The following ULK4 variants were observed in gnomAD, a reference collection of about 807,000 sequenced individuals.
ULK4 encodes inactive serine/threonine-protein kinase ULK4.
In ULK4, 133 loss-of-function variants were observed where a neutral mutation model predicts 160.6. The observed-to-expected ratio is 0.83, with a 90% CI of 0.72 to 0.96. ULK4 has a LOEUF of 0.96. Ranked by LOEUF, ULK4 falls within the 40% of genes least tolerant of loss-of-function variation. The pLI, the probability that ULK4 is intolerant of heterozygous loss-of-function variation, is 0.00. For missense variants in ULK4, 1,580 were observed against 1,499.5 expected (o/e 1.05, Z -0.89); for synonymous variants, 534 against 539.8 (o/e 0.99, Z 0.15).
At chr3:41,654,299 G>A (rs1209225104) in intron 30 of ULK4, among the ~76,000 whole-genome samples, 1 of 152,190 alleles carries the variant, frequency 6.6e-6, no homozygotes, top group Non-Finnish European at 1.5e-5. Context: ...TTTAGAATGA[G>A]AGGTGCTATT....
At chr3:41,777,984 G>A (rs2039695118) in intron 21 of ULK4, among the ~76,000 whole-genome samples, 1 of 133,420 alleles carries the variant, frequency 7.5e-6, no homozygotes, top group East Asian at 2.0e-4. Flanking sequence ...TCTGGCCAGG[G>A]CAATCAGGCA....
At chr3:41,710,881 G>T (rs535367638) in intron 25 of ULK4, among the ~76,000 whole-genome samples, 14 of 152,258 alleles carry the variant, frequency 9.2e-5, no homozygotes, top group Non-Finnish European at 1.5e-4. Flanking sequence ...GCCCTGGCAG[G>T]GCAGGATGGT....
chr3:41,859,190 T>C (rs2042440432), intron 17 of ULK4, among the ~76,000 whole-genome samples: 1 of 152,230 alleles, frequency 6.6e-6, no homozygotes, highest in South Asian at 2.1e-4. Flanking sequence ...CACTTCATTG[T>C]AGAATAAGAC....
intron 18 of ULK4, among the ~76,000 whole-genome samples, chr3:41,824,365 G>C (rs966415557): frequency 3.9e-5 from 6 of 151,968 alleles, no homozygotes; most frequent in Admixed American, 3.9e-4. Flanking sequence ...AGCAGGGTGA[G>C]GCATTGCCTC....
chr3:41,265,458 T>C (rs908700058), intron 35 of ULK4, among the ~76,000 whole-genome samples: 1 of 152,182 alleles, frequency 6.6e-6, no homozygotes, highest in African/African-American at 2.4e-5. Flanking sequence ...AATGAAACAT[T>C]AGGGGCCGCC....
intron 35 of ULK4, among the ~76,000 whole-genome samples, chr3:41,314,646 G>T (rs2080114102): frequency 1.3e-5 from 2 of 152,204 alleles, no homozygotes; most frequent in Admixed American, 6.5e-5. Flanking sequence ...GGTAATAGTG[G>T]TGATGGGGGT....
intron 7 of ULK4, among the ~76,000 whole-genome samples, chr3:41,917,003 C>T (rs533229935): frequency 2.6e-5 from 4 of 152,132 alleles, no homozygotes; most frequent in Non-Finnish European, 5.9e-5. Context: ...CCACCATGCC[C>T]GGCCCCAGCT....
rs548161747 is a variant in ULK4 at position 41,642,935 on chromosome 3, T to C, written c.3071+20672A>G. On this transcript the variant is annotated intron_variant, in intron 30 of 36. Coordinates refer to ENST00000301831, the MANE Select transcript of ULK4 (RefSeq NM_017886.4). ...GTGGTTTTGATTTGCATTTCTCTGA[T>C]GGCCAGTGATGATGAGCATTTTTTC... Among the ~76,000 whole-genome samples the C allele has an allele frequency of 5.3e-5, 8 of 152,362 alleles. No individual in the cohort carries two copies. The East Asian group carries it at 1.2e-3, about 22-fold the overall frequency.
At chr3:41,824,180 AAAG>A (rs1487072256) in intron 18 of ULK4, among the ~76,000 whole-genome samples, 191 of 151,556 alleles carry the variant, frequency 1.3e-3, no homozygotes, top group African/African-American at 4.4e-3. Context: ...AAAAAAAAAA[AAAG>A]GAGGAGCCAA....
At chr3:41,567,369 G>T (rs182767425) in intron 31 of ULK4, among the ~76,000 whole-genome samples, 1 of 151,842 alleles carries the variant, frequency 6.6e-6, no homozygotes, top group African/African-American at 2.4e-5. Flanking sequence ...GGTTCAGAGG[G>T]CAGCAGTGGG....
At chr3:41,410,841 G>A (rs1261683806) in intron 34 of ULK4, among the ~76,000 whole-genome samples, 1 of 152,178 alleles carries the variant, frequency 6.6e-6, no homozygotes, top group Non-Finnish European at 1.5e-5. Context: ...GACAGCATAA[G>A]TAAATGCCAT....
chr3:41,611,207 T>C (rs2032658461), intron 31 of ULK4, among the ~76,000 whole-genome samples: 1 of 152,212 alleles, frequency 6.6e-6, no homozygotes, highest in Non-Finnish European at 1.5e-5. Context: ...ACAAATGCAT[T>C]CAGCTTAATC....
chr3:41,580,334 CT>C (rs985850443), intron 31 of ULK4, among the ~76,000 whole-genome samples: 3 of 151,936 alleles, frequency 2.0e-5, no homozygotes, highest in African/African-American at 7.3e-5. Context: ...ATCTTAGAAT[CT>C]TATCTCTCAG....
intron 17 of ULK4, among the ~76,000 whole-genome samples, chr3:41,880,885 T>C (rs971447700): frequency 6.6e-6 from 1 of 152,088 alleles, no homozygotes; most frequent in Non-Finnish European, 1.5e-5. Flanking sequence ...ATCACACCAC[T>C]GCACTACAGC....
chr3:41,745,162 AAG>A (rs2038376983), intron 22 of ULK4, among the ~76,000 whole-genome samples: 1 of 151,542 alleles, frequency 6.6e-6, no homozygotes, highest in African/African-American at 2.4e-5. Flanking sequence ...AAAGTAGAAA[AAG>A]AGCAAAACAA....
chr3:41,791,808 G>A (rs2040159462), intron 20 of ULK4, among the ~76,000 whole-genome samples: 1 of 152,076 alleles, frequency 6.6e-6, no homozygotes. Flanking sequence ...AGCATTTGTA[G>A]AGCACCAACT....
chr3:41,259,299 G>C (rs932378551), intron 35 of ULK4, among the ~76,000 whole-genome samples: 2 of 152,152 alleles, frequency 1.3e-5, no homozygotes, highest in African/African-American at 4.8e-5. Context: ...GAATTGTAAA[G>C]TAGTGGTTTT....
intron 21 of ULK4, among the ~76,000 whole-genome samples, chr3:41,773,670 C>G (rs180776124): frequency 1.2e-3 from 181 of 152,114 alleles, no homozygotes; most frequent in Admixed American, 4.8e-3. Context: ...AAATTCAATG[C>G]CATACCCATC....
intron 34 of ULK4, among the ~76,000 whole-genome samples, chr3:41,399,448 G>T (rs1007577626): frequency 2.0e-5 from 3 of 151,972 alleles, no homozygotes; most frequent in Non-Finnish European, 4.4e-5. Flanking sequence ...TCTGCAAGTT[G>T]TCTTTTGACT....
Sources: allele counts gnomAD v4.1 joint callset (sites outside exome capture counted in the v4.1 genomes callset), GRCh38; gene constraint gnomAD v4.1.1; transcripts MANE v1.5; gene names NCBI Gene and HGNC (gene_info 2026-07-23, HGNC 2026-07-21).